ZFHX3: variants seen among roughly 807,000 people sequenced by gnomAD.
ZFHX3 encodes zinc finger homeobox protein 3.
A neutral mutation model predicts 279.1 loss-of-function variants in ZFHX3; 42 were observed. The observed-to-expected ratio is 0.15, with a 90% CI of 0.12 to 0.19. ZFHX3 has a LOEUF of 0.19. Ranked by LOEUF, ZFHX3 falls within the 10% of genes least tolerant of loss-of-function variation. ZFHX3 has a pLI of 1.00. For missense variants in ZFHX3, 4,981 were observed against 4,754.0 expected (o/e 1.05, Z -1.40); for synonymous variants, 2,293 against 1,957.8 (o/e 1.17, Z -4.52).
chr16:73,810,041 G>C (rs1414813345), intron 1 of ZFHX3, among the ~76,000 whole-genome samples: 1 of 152,150 alleles, frequency 6.6e-6, no homozygotes, highest in Non-Finnish European at 1.5e-5. Context: ...GTGAACGTTG[G>C]TCACATGTAT....
chr16:73,009,593 G>A (rs1903106450), intron 1 of ZFHX3, among the ~76,000 whole-genome samples: 1 of 152,120 alleles, frequency 6.6e-6, no homozygotes, highest in Admixed American at 6.5e-5. Context: ...CAAAGATAAG[G>A]TGTTAGTACC....
At chr16:73,370,186 C>A (rs540948018) in intron 3 of ZFHX3, among the ~76,000 whole-genome samples, 11 of 152,338 alleles carry the variant, frequency 7.2e-5, no homozygotes, top group African/African-American at 2.6e-4. Flanking sequence ...AGGGAGAAAA[C>A]TGATCATCAT....
intron 7 of ZFHX3, among the ~76,000 whole-genome samples, chr16:73,118,686 G>T (rs569814152): frequency 1.4e-4 from 21 of 152,280 alleles, no homozygotes; most frequent in Admixed American, 5.2e-4. Flanking sequence ...AATTTCACAG[G>T]ATGTAGTAAT....
chr16:73,788,545 GC>G (rs976393344), intron 1 of ZFHX3, among the ~76,000 whole-genome samples: 1 of 152,080 alleles, frequency 6.6e-6, no homozygotes, highest in African/African-American at 2.4e-5. Flanking sequence ...TGTCTGCTCT[GC>G]CCATTAGGTC....
rs778129931 is a variant in ZFHX3 at position 73,216,412 on chromosome 16, G to A, written c.-1104+40635C>T. On this transcript the variant is annotated intron_variant, in intron 5 of 17. Transcript: ENST00000641206. ...GGTTCCCGTCCTCTGGGTTTCCAGAGTCCACCAGTGATCTGCTGCAACAGT... is the reference window on the plus strand; with the variant it reads ...GGTTCCCGTCCTCTGGGTTTCCAGAATCCACCAGTGATCTGCTGCAACAGT... Among the ~76,000 whole-genome samples the A allele has an allele frequency of 2.6e-5, 4 of 152,296 alleles. No individual in the cohort carries two copies. In the South Asian group the frequency reaches 8.3e-4, roughly 32 times the overall value.
intron 6 of ZFHX3, among the ~76,000 whole-genome samples, chr16:73,131,803 C>T (rs758380256): frequency 4.6e-5 from 7 of 152,158 alleles, no homozygotes; most frequent in African/African-American, 7.2e-5. Context: ...TCTATGATCT[C>T]GGCAACTCAC....
chr16:73,543,885 G>GGGGAGAGAGAGAGAGA (rs1555523939), intron 2 of ZFHX3: 9 of 136,512 alleles, frequency 6.6e-5, no homozygotes, highest in African/African-American at 2.2e-4. Context: ...AGCGAGAGAG[G>GGGGAGAGAGAGAGAGA]GAGAGAGAGA....
intron 4 of ZFHX3, among the ~76,000 whole-genome samples, chr16:72,868,824 G>A (rs531183363): frequency 6.8e-6 from 1 of 146,532 alleles, no homozygotes; most frequent in East Asian, 2.0e-4. Flanking sequence ...CACCTCAGGA[G>A]TTGTAAGAAA....
chr16:72,956,622 CT>C (rs1567603674), intron 2 of ZFHX3, among the ~76,000 whole-genome samples: 1 of 152,162 alleles, frequency 6.6e-6, no homozygotes, highest in African/African-American at 2.4e-5. Flanking sequence ...GCCAAATCAG[CT>C]TCTCTAAAGC....
intron 2 of ZFHX3, among the ~76,000 whole-genome samples, chr16:73,489,482 C>T (rs2019024975): frequency 1.3e-5 from 2 of 152,144 alleles, no homozygotes; most frequent in South Asian, 4.1e-4. Context: ...TAAGATTTGC[C>T]TTTCGAAGGT....
intron 2 of ZFHX3, among the ~76,000 whole-genome samples, chr16:73,614,847 C>T (rs2052283557): frequency 6.6e-6 from 1 of 152,212 alleles, no homozygotes; most frequent in Middle Eastern, 3.4e-3. Flanking sequence ...GCAGCCTCCA[C>T]CTCCCAGGCT....
intron 3 of ZFHX3, 24 bp downstream of exon 3, chr16:72,950,445 G>C: frequency 4.4e-6 from 7 of 1,603,300 alleles, no homozygotes; most frequent in Non-Finnish European, 6.0e-6. Context: ...AAGAGCGCCT[G>C]AGCCATAAGG....
At chr16:73,154,639 A>G (rs980088894) in intron 5 of ZFHX3, among the ~76,000 whole-genome samples, 4 of 152,210 alleles carry the variant, frequency 2.6e-5, no homozygotes, top group Non-Finnish European at 1.5e-5. Flanking sequence ...AATGCAACAT[A>G]CATTTTAGGG....
intron 8 of ZFHX3, among the ~76,000 whole-genome samples, chr16:73,078,129 A>G (rs541764018): frequency 6.6e-6 from 1 of 152,332 alleles, no homozygotes; most frequent in African/African-American, 2.4e-5. Context: ...TCATAAACAC[A>G]TTGAAAATCC....
chr16:73,083,021 T>TAAAAAAAA (rs71156139), intron 8 of ZFHX3, among the ~76,000 whole-genome samples: 14 of 132,030 alleles, frequency 1.1e-4, no homozygotes, highest in African/African-American at 1.6e-4. Flanking sequence ...CCATCTCTAC[T>TAAAAAAAA]AAAAAAAAAA....
chr16:73,871,200 T>G (rs545918392), intron 1 of ZFHX3, among the ~76,000 whole-genome samples: 1 of 152,312 alleles, frequency 6.6e-6, no homozygotes, highest in Non-Finnish European at 1.5e-5. Flanking sequence ...ATTTTAGCCC[T>G]CATGTCACAC....
chr16:72,829,657 G>T, intron 5 of ZFHX3, 122 bp downstream of exon 5: 3 of 1,041,452 alleles, frequency 2.9e-6, no homozygotes, highest in Non-Finnish European at 1.4e-6. Context: ...TCCTTTTTCT[G>T]GGCAGACTAA....
At chr16:73,237,681 A>G (rs2012997174) in intron 5 of ZFHX3, among the ~76,000 whole-genome samples, 1 of 151,832 alleles carries the variant, frequency 6.6e-6, no homozygotes, top group South Asian at 2.1e-4. Context: ...CGCTTCCTTG[A>G]TTCTTGATCC....
In ZFHX3 at chr16:72,958,152, C is replaced by T. The variant is rs562347029; in HGVS notation, c.1994G>A (p.Arg665His). The T allele has an allele frequency of 8.6e-5, 139 of 1,614,084 alleles. No homozygotes were observed. The highest frequency in any genetic ancestry group is 5.5e-4 in the South Asian group (50 of 91,088). The change falls in exon 2 of 10, where the codon CGT becomes CAT. Residue 665 changes from arginine to histidine, a missense_variant. Physicochemically the swap from Arg to His is conservative, Grantham distance 29. Transcript: ENST00000268489. ...LGGHMTMMHS[R>H]NSCKTLKCPK... is the part of the protein sequence containing the mutation. Reference sequence around the variant, plus strand: ...GCACTTGAGTGTCTTACACGAGTTACGAGAATGCATCATGGTCATGTGGCC... The same window carrying T: ...GCACTTGAGTGTCTTACACGAGTTATGAGAATGCATCATGGTCATGTGGCC...
Sources: allele counts gnomAD v4.1 joint callset (sites outside exome capture counted in the v4.1 genomes callset), GRCh38; gene constraint gnomAD v4.1.1; transcripts MANE v1.5; gene names NCBI Gene and HGNC (gene_info 2026-07-23, HGNC 2026-07-21).